Variants in AOPEP observed in about 807,000 individuals in gnomAD.
AOPEP encodes aminopeptidase O.
Under a neutral mutation model 98.1 loss-of-function variants are expected in AOPEP, and 77 were observed. The observed-to-expected ratio is 0.78, with a 90% CI of 0.65 to 0.95. The LOEUF (loss-of-function observed/expected upper bound fraction) is 0.95, where lower values mean the gene tolerates loss of function less well. AOPEP is among the 40% of genes least tolerant of loss of function. AOPEP has a pLI of 0.00. For missense variants in AOPEP, 1,024 were observed against 1,024.7 expected (o/e 1.00, Z 0.01); for synonymous variants, 346 against 365.3 (o/e 0.95, Z 0.60).
At chr9:94,812,822 G>A (rs982780866) in intron 5 of AOPEP, among the ~76,000 whole-genome samples, 6 of 152,150 alleles carry the variant, frequency 3.9e-5, no homozygotes, top group Admixed American at 1.3e-4. Context: ...GGTTTTACAA[G>A]CAAAAGCATC....
chr9:95,064,293 T>A (rs1336889244), intron 14 of AOPEP, among the ~76,000 whole-genome samples: 1 of 152,194 alleles, frequency 6.6e-6, no homozygotes, highest in Non-Finnish European at 1.5e-5. Context: ...CTCCTCTACC[T>A]CTTTTTTGTT....
chr9:94,727,714 G>A (rs919825398), intron 1 of AOPEP, among the ~76,000 whole-genome samples: 6 of 152,122 alleles, frequency 3.9e-5, no homozygotes, highest in Non-Finnish European at 7.4e-5. Context: ...ATTGTGCTTC[G>A]TATAAGTCTG....
intron 2 of AOPEP, among the ~76,000 whole-genome samples, chr9:94,765,439 AAATAATAATAATAAT>A (rs370305424): frequency 1.6e-5 from 2 of 123,820 alleles, no homozygotes; most frequent in Admixed American, 8.6e-5. Context: ...TTCTCTACAA[AAATAATAATAATAAT>A]AATAATAATA....
chr9:94,740,762 A>G (rs1001118382), intron 1 of AOPEP, among the ~76,000 whole-genome samples: 3 of 152,242 alleles, frequency 2.0e-5, no homozygotes, highest in Admixed American at 2.0e-4. Context: ...TGCTGGGTCC[A>G]TATCCGGCTT....
chr9:95,096,122 G>A, the AOPEP span, among the ~76,000 whole-genome samples: 3 of 152,162 alleles, frequency 2.0e-5, no homozygotes, highest in African/African-American at 4.8e-5. Context: ...TCCAGATGCC[G>A]ACGCTGGGAA....
At chr9:94,729,268 G>C (rs1165321583) in intron 1 of AOPEP, among the ~76,000 whole-genome samples, 1 of 152,146 alleles carries the variant, frequency 6.6e-6, no homozygotes, top group Non-Finnish European at 1.5e-5. Flanking sequence ...AATGAACTAT[G>C]TTATTCTAAA....
intron 5 of AOPEP, among the ~76,000 whole-genome samples, chr9:94,901,312 A>G (rs2050367784): frequency 6.6e-6 from 1 of 152,192 alleles, no homozygotes; most frequent in Non-Finnish European, 1.5e-5. Context: ...GAGCCCCCAT[A>G]GCAAGAATGT....
intron 14 of AOPEP, among the ~76,000 whole-genome samples, chr9:95,078,677 C>G (rs2069360650): frequency 6.6e-6 from 1 of 152,276 alleles, no homozygotes; most frequent in Admixed American, 6.5e-5. Flanking sequence ...ACCAGCTTGC[C>G]TGCAAGGCCC....
At chr9:94,794,967 C>T (rs1028056575) in intron 4 of AOPEP, among the ~76,000 whole-genome samples, 1 of 152,194 alleles carries the variant, frequency 6.6e-6, no homozygotes, top group Non-Finnish European at 1.5e-5. Context: ...TTTGTTACTG[C>T]AGCATATCCT....
At chr9:95,136,628 A>G in the AOPEP span, among the ~76,000 whole-genome samples, 1 of 152,182 alleles carries the variant, frequency 6.6e-6, no homozygotes, top group Non-Finnish European at 1.5e-5. Flanking sequence ...CTGGGACTAC[A>G]GGTGCACGTC....
At chr9:94,816,819 C>T (rs541993288) in intron 5 of AOPEP, among the ~76,000 whole-genome samples, 1 of 152,220 alleles carries the variant, frequency 6.6e-6, no homozygotes, top group South Asian at 2.1e-4. Context: ...CCATTTCGTT[C>T]TCCTAAAGGG....
At chr9:94,998,791 A>C (rs1342130432) in intron 11 of AOPEP, among the ~76,000 whole-genome samples, 1 of 152,206 alleles carries the variant, frequency 6.6e-6, no homozygotes, top group African/African-American at 2.4e-5. Context: ...TTTTATGTGA[A>C]TAACCTGTCC....
At chr9:94,944,178 G>C (rs572457535) in intron 7 of AOPEP, among the ~76,000 whole-genome samples, 14 of 152,258 alleles carry the variant, frequency 9.2e-5, no homozygotes, top group African/African-American at 3.4e-4. Flanking sequence ...AGCTGCTGTG[G>C]AAAACAGCCT....
chr9:94,738,559 C>T lies in AOPEP; in HGVS notation c.-136+11808C>T, dbSNP rs1030558076. 4.5e-4 allele frequency among the ~76,000 whole-genome samples: 68 copies of T among 151,806 alleles called. 1 individual carries two copies. Among genetic ancestry groups the T allele is most frequent in the Non-Finnish European group, 2.9e-4 (20 of 67,976 alleles). ...GCTACAGGAGATACAGAAAAGGACA[C>T]GAGAAAAAAAATTATTATTATTATT... On this transcript the variant is annotated intron_variant, in intron 1 of 16. Coordinates refer to ENST00000375315, the MANE Select transcript of AOPEP (RefSeq NM_001193329.3).
At chr9:95,108,090 G>A in the AOPEP span, among the ~76,000 whole-genome samples, 1 of 152,160 alleles carries the variant, frequency 6.6e-6, no homozygotes, top group African/African-American at 2.4e-5. Context: ...GAATACTTAG[G>A]CCTATTCTGA....
At chr9:95,051,989 C>T (rs752227489) in intron 13 of AOPEP, among the ~76,000 whole-genome samples, 12 of 152,204 alleles carry the variant, frequency 7.9e-5, no homozygotes, top group Non-Finnish European at 1.6e-4. Flanking sequence ...AGGCGTGAGC[C>T]ACCGTGCCTG....
chr9:95,072,728 GGGTGA>G (rs1268497831), intron 14 of AOPEP, among the ~76,000 whole-genome samples: 2 of 152,216 alleles, frequency 1.3e-5, no homozygotes, highest in African/African-American at 4.8e-5. Flanking sequence ...AATCAAATAA[GGGTGA>G]GGCCCCTTTA....
intron 14 of AOPEP, among the ~76,000 whole-genome samples, chr9:95,066,250 C>G (rs1312195220): frequency 6.6e-6 from 1 of 152,108 alleles, no homozygotes; most frequent in Non-Finnish European, 1.5e-5. Context: ...TTCTGTTATT[C>G]AATTCAGTGC....
the AOPEP span, chr9:95,123,431 AG>A: frequency 2.2e-6 from 1 of 457,706 alleles, no homozygotes; most frequent in South Asian, 1.6e-5. Context: ...CTTGAGCCTC[AG>A]AGGTTGAGAC....
Sources: gnomAD v4.1 joint callset for allele counts (sites outside exome capture counted in the v4.1 genomes callset) on GRCh38, gnomAD v4.1.1 for gene constraint, MANE v1.5 for transcripts, NCBI Gene and HGNC (gene_info 2026-07-23, HGNC 2026-07-21) for gene names.